Variants in NECAB1 observed in about 807,000 individuals in gnomAD.
NECAB1 encodes the protein N-terminal EF-hand calcium binding protein 1, also known as N-terminal EF-hand calcium-binding protein 1.
NECAB1 carries 29 observed loss-of-function variants against 57.5 expected under a neutral mutation model. That is an observed-to-expected ratio of 0.50 (90% CI 0.38 to 0.69). NECAB1 has a LOEUF of 0.69. Ranked by LOEUF, NECAB1 falls within the 30% of genes least tolerant of loss-of-function variation. The pLI, the probability that NECAB1 is intolerant of heterozygous loss-of-function variation, is 0.00. For synonymous variants in NECAB1, 142 were observed against 147.7 expected, an observed-to-expected ratio of 0.96 and a Z score of 0.28; for missense variants, 372 against 413.8, an observed-to-expected ratio of 0.90 and a Z score of 0.88.
chr8:90,847,566 C>T (rs1351569921), intron 3 of NECAB1, among the ~76,000 whole-genome samples: 1 of 152,260 alleles, frequency 6.6e-6, no homozygotes, highest in Non-Finnish European at 1.5e-5. Context: ...CTCTTGTGCA[C>T]TGCCCTAGCA....
intron 12 of NECAB1, among the ~76,000 whole-genome samples, chr8:90,951,594 T>A (rs1458552919): frequency 6.6e-6 from 1 of 152,196 alleles, no homozygotes; most frequent in Non-Finnish European, 1.5e-5. Flanking sequence ...AGTATTAATA[T>A]GTGCTAGGCA....
chr8:90,951,661 C>T (rs1337444909), intron 12 of NECAB1, among the ~76,000 whole-genome samples: 1 of 151,998 alleles, frequency 6.6e-6, no homozygotes, highest in African/African-American at 2.4e-5. Context: ...TGAACAAGCA[C>T]TGTGTTGGGA....
At chr8:90,823,199 C>CAA (rs879754802) in intron 2 of NECAB1, among the ~76,000 whole-genome samples, 1,770 of 151,882 alleles carry the variant, frequency 0.012, 13 homozygotes, top group Middle Eastern at 0.034. Context: ...CCCAGAAGAT[C>CAA]GGGTCCCTAG....
intron 2 of NECAB1, among the ~76,000 whole-genome samples, chr8:90,810,901 T>C (rs1392322980): frequency 1.1e-4 from 17 of 152,014 alleles, no homozygotes; most frequent in Non-Finnish European, 2.5e-4. Flanking sequence ...ATCTTCTTGA[T>C]AGATGAGTCA....
At chr8:90,837,941 G>T (rs972317961) in intron 3 of NECAB1, among the ~76,000 whole-genome samples, 1 of 152,034 alleles carries the variant, frequency 6.6e-6, no homozygotes, top group African/African-American at 2.4e-5. Flanking sequence ...CCAAATTTTT[G>T]CCCTTTATAT....
intron 3 of NECAB1, among the ~76,000 whole-genome samples, chr8:90,849,074 G>A (rs375427151): frequency 1.1e-4 from 16 of 152,274 alleles, no homozygotes; most frequent in African/African-American, 3.9e-4. Flanking sequence ...GACATATGGG[G>A]ATTATGGAAG....
intron 5 of NECAB1, among the ~76,000 whole-genome samples, chr8:90,907,147 T>TGAGAGAGAGA (rs1310639488): frequency 1.8e-4 from 19 of 106,608 alleles, no homozygotes; most frequent in Middle Eastern, 4.9e-3. Flanking sequence ...TGTGTGTGTG[T>TGAGAGAGAGA]GTGTGAGAGA....
chr8:90,871,260 A>G (rs1808616663), intron 3 of NECAB1, among the ~76,000 whole-genome samples: 1 of 152,184 alleles, frequency 6.6e-6, no homozygotes, highest in Admixed American at 6.5e-5. Flanking sequence ...TAAACTTTCT[A>G]AAACTTATGA....
intron 5 of NECAB1, among the ~76,000 whole-genome samples, chr8:90,912,910 C>T (rs1347017678): frequency 2.6e-5 from 4 of 152,106 alleles, no homozygotes; most frequent in African/African-American, 4.8e-5. Flanking sequence ...GAAGCTGCTG[C>T]AGATGTCTTA....
chr8:90,953,046 C>G (rs140236954), intron 12 of NECAB1, among the ~76,000 whole-genome samples: 1 of 152,152 alleles, frequency 6.6e-6, no homozygotes, highest in African/African-American at 2.4e-5. Flanking sequence ...AAAATTTCCA[C>G]GAAGTCCTGA....
chr8:90,951,797 G>C (rs1449405791), intron 12 of NECAB1, among the ~76,000 whole-genome samples: 2 of 151,332 alleles, frequency 1.3e-5, no homozygotes, highest in East Asian at 3.9e-4. Context: ...GAATAAAATA[G>C]CTGTCACCAT....
At chr8:90,848,997 C>G (rs1207795955) in intron 3 of NECAB1, among the ~76,000 whole-genome samples, 1 of 152,148 alleles carries the variant, frequency 6.6e-6, no homozygotes, top group Non-Finnish European at 1.5e-5. Context: ...TATTCACTAC[C>G]ACAAGAACAG....
At chr8:90,795,042 C>T (rs894076193) in intron 1 of NECAB1, among the ~76,000 whole-genome samples, 2 of 152,238 alleles carry the variant, frequency 1.3e-5, no homozygotes, top group South Asian at 2.1e-4. Context: ...GAGAGGGACT[C>T]AACTGGGTCC....
intron 3 of NECAB1, among the ~76,000 whole-genome samples, chr8:90,834,320 T>G: frequency 6.6e-6 from 1 of 152,144 alleles, no homozygotes; most frequent in East Asian, 1.9e-4. Context: ...TCTGAATGTA[T>G]GTGTTTCTTG....
At chr8:90,870,653 G>C (rs952664341) in intron 3 of NECAB1, among the ~76,000 whole-genome samples, 4 of 152,086 alleles carry the variant, frequency 2.6e-5, no homozygotes, top group African/African-American at 7.2e-5. Context: ...GACACCTTTT[G>C]CCAATTCTCT....
chr8:90,841,825 A>G (rs1396027942), intron 3 of NECAB1, among the ~76,000 whole-genome samples: 2 of 152,240 alleles, frequency 1.3e-5, no homozygotes, highest in African/African-American at 4.8e-5. Flanking sequence ...AAATGGCATG[A>G]GGAGGCATCT....
At chr8:90,890,339 A>C (rs1452773942) in intron 5 of NECAB1, among the ~76,000 whole-genome samples, 3 of 152,190 alleles carry the variant, frequency 2.0e-5, no homozygotes, top group African/African-American at 7.2e-5. Context: ...CACCCTGTGA[A>C]GAAGGTGCCT....
In NECAB1 at chr8:90,837,227, G is replaced by A. The variant is rs150095138; in HGVS notation, c.233+12402G>A. Among the ~76,000 whole-genome samples, 79 of 152,300 alleles carry A rather than the reference G, an allele frequency of 5.2e-4. No individual in the cohort carries two copies. The East Asian group carries it at 0.011, about 21-fold the overall frequency. ...CACCTAAGGAAATAATATAGATGGGGCAGTAAAATCCCATTACAGTACATT... is the reference window on the plus strand; with the variant it reads ...CACCTAAGGAAATAATATAGATGGGACAGTAAAATCCCATTACAGTACATT... On this transcript the variant is annotated intron_variant, in intron 3 of 12. Transcript: ENST00000417640.
chr8:90,799,615 T>A (rs1044372851), intron 1 of NECAB1, among the ~76,000 whole-genome samples: 6 of 152,336 alleles, frequency 3.9e-5, no homozygotes, highest in Admixed American at 2.6e-4. Context: ...ATCAGCTGGC[T>A]GTAAGTGTAC....
Sources: gnomAD v4.1 joint callset for allele counts (sites outside exome capture counted in the v4.1 genomes callset) on GRCh38, gnomAD v4.1.1 for gene constraint, MANE v1.5 for transcripts, NCBI Gene and HGNC (gene_info 2026-07-23, HGNC 2026-07-21) for gene names.